Variants in TSPAN11 observed in about 807,000 individuals in gnomAD.
TSPAN11 encodes tetraspanin 11, also known as tetraspanin-11.
In TSPAN11, 29 loss-of-function variants were observed where a neutral mutation model predicts 32.9. That is an observed-to-expected ratio of 0.88 (90% confidence interval 0.66 to 1.20). The LOEUF is 1.20. Among genes scored for constraint, TSPAN11 ranks in the 50% most tolerant of loss-of-function variants. The pLI is 0.00. For missense variants in TSPAN11, 283 were observed against 329.1 expected, an observed-to-expected ratio of 0.86 and a Z score of 1.08; for synonymous variants, 140 against 141.3, an observed-to-expected ratio of 0.99 and a Z score of 0.07.
chr12:30,980,393 G>A (rs1006249555), intron 5 of TSPAN11, among the ~76,000 whole-genome samples: 5 of 152,160 alleles, frequency 3.3e-5, no homozygotes, highest in African/African-American at 9.7e-5. Context: ...CGTGTGTCTA[G>A]TGAGCTCTGA....
chr12:30,990,906 CCAA>C (rs768751307), intron 7 of TSPAN11, among the ~76,000 whole-genome samples: 30 of 152,160 alleles, frequency 2.0e-4, no homozygotes, highest in Non-Finnish European at 3.8e-4. Flanking sequence ...GAGCCAAGAT[CCAA>C]CAACATGTCA....
chr12:30,967,685 TGCATATGCATGCACAC>T (rs1938762039), intron 3 of TSPAN11, among the ~76,000 whole-genome samples: 1 of 26,106 alleles, frequency 3.8e-5, no homozygotes, highest in Non-Finnish European at 9.3e-5. Flanking sequence ...TGCACACACA[TGCATATGCATGCACAC>T]ACATGCATAT....
In TSPAN11 at chr12:30,957,335, G is replaced by A. The variant is rs114571502; in HGVS notation, c.84+3260G>A. On this transcript the variant is annotated intron_variant, in intron 2 of 7. Transcript: ENST00000546076. ...ATATGCATTTGGTCTGCACAGTGCCGTGGCAGGTGAGACAAGTCAGGATGA... is the reference window on the plus strand; with the variant it reads ...ATATGCATTTGGTCTGCACAGTGCCATGGCAGGTGAGACAAGTCAGGATGA... Among the ~76,000 whole-genome samples, 627 of 151,102 alleles carry A rather than the reference G, an allele frequency of 4.1e-3. 6 individuals carry two copies. Among genetic ancestry groups the A allele is most frequent in the African/African-American group, 0.014 (581 of 41,270 alleles).
At chr12:30,969,077 ACATCAC>A (rs1185268351) in intron 3 of TSPAN11, among the ~76,000 whole-genome samples, 8 of 152,212 alleles carry the variant, frequency 5.3e-5, no homozygotes, top group Non-Finnish European at 1.2e-4. Flanking sequence ...ATGAACATTC[ACATCAC>A]TATTGCCGTC....
intron 1 of TSPAN11, among the ~76,000 whole-genome samples, chr12:30,943,518 C>T (rs189445927): frequency 1.2e-3 from 179 of 152,308 alleles, no homozygotes; most frequent in African/African-American, 3.5e-3. Context: ...TTACTGTATC[C>T]GCCAATCAAA....
intron 1 of TSPAN11, among the ~76,000 whole-genome samples, chr12:30,939,355 G>A (rs994978533): frequency 1.3e-5 from 2 of 152,158 alleles, no homozygotes; most frequent in Admixed American, 6.5e-5. Flanking sequence ...AGGGGGCTGG[G>A]TTTTTTACTA....
At chr12:31,009,967 T>A in the TSPAN11 span, among the ~76,000 whole-genome samples, 1 of 152,204 alleles carries the variant, frequency 6.6e-6, no homozygotes, top group Non-Finnish European at 1.5e-5. Context: ...GTAAGACAAC[T>A]GTTATTAGTT....
At chr12:30,934,585 C>G (rs1283802221) in intron 1 of TSPAN11, among the ~76,000 whole-genome samples, 1 of 151,622 alleles carries the variant, frequency 6.6e-6, no homozygotes, top group Non-Finnish European at 1.5e-5. Context: ...TCCAGGACAG[C>G]TTTGAATGCG....
chr12:30,962,944 A>T lies in TSPAN11; in HGVS notation c.85-882A>T, dbSNP rs145080690. Among the ~76,000 whole-genome samples, 792 of 152,288 alleles carry T rather than the reference A, an allele frequency of 5.2e-3. 15 individuals carry two copies. The highest frequency in any genetic ancestry group is 0.033 in the Admixed American group (505 of 15,304). ...CACACATTATGCCCTTCTGGGTCCA[A>T]CAGTCACAGAAAGAGTTACTTGGCT... On this transcript the variant is annotated intron_variant, in intron 2 of 7. Transcript: ENST00000546076.
At chr12:31,009,788 A>G in the TSPAN11 span, among the ~76,000 whole-genome samples, 1 of 152,220 alleles carries the variant, frequency 6.6e-6, no homozygotes, top group Non-Finnish European at 1.5e-5. Flanking sequence ...CACCCTGACC[A>G]CATGCTGCTA....
At chr12:30,926,831 C>T (rs1269344120) in intron 1 of TSPAN11, 35 bp downstream of exon 1, 4 of 820,448 alleles carry the variant, frequency 4.9e-6, no homozygotes, top group Non-Finnish European at 6.5e-6. Context: ...AGTGGGGGCG[C>T]CGCGGGAGGG....
intron 1 of TSPAN11, among the ~76,000 whole-genome samples, chr12:30,932,609 A>G (rs1937956171): frequency 6.6e-6 from 1 of 152,194 alleles, no homozygotes; most frequent in Admixed American, 6.5e-5. Context: ...AAAAGAAGGA[A>G]GGGTTGGACA....
In TSPAN11 at chr12:30,975,592, T is replaced by C. The variant is rs978416898; in HGVS notation, c.277-2969T>C. ...CCTGTGCAGGGGTAGCATGTACTAA[T>C]TTAGCCAGCCACTAAACCAATGGGT... On this transcript the variant is annotated intron_variant, in intron 3 of 7. Transcript: ENST00000546076. The surrounding 1 kb of genome is among the most constrained non-coding windows in gnomAD (Gnocchi z 4.5). 1.3e-5 allele frequency among the ~76,000 whole-genome samples: 2 copies of C among 152,148 alleles called. No individual in the cohort carries two copies. The highest frequency in any genetic ancestry group is 4.8e-5 in the African/African-American group (2 of 41,540).
chr12:30,969,871 T>C (rs1228467023), intron 3 of TSPAN11, among the ~76,000 whole-genome samples: 1 of 152,164 alleles, frequency 6.6e-6, no homozygotes, highest in African/African-American at 2.4e-5. Context: ...GTGAGGAACA[T>C]GAGGCGCCTG....
chr12:30,965,440 A>G (rs2882994), intron 3 of TSPAN11, among the ~76,000 whole-genome samples: 104,187 of 151,348 alleles, frequency 0.69, 35,772 homozygotes, highest in Admixed American at 0.74. Flanking sequence ...AGCCCAAGAA[A>G]GAATACAGAA....
In TSPAN11 at chr12:30,996,251, A is replaced by G. The variant is rs1324416730; in HGVS notation, c.*4336A>G. The stretch of plus-strand genomic sequence containing the variant: ...GCCCCATTTTCCCACCAACTTCTAC[A>G]TGCCTTGGGAGAACCTGCTACATGT... On this transcript the variant is annotated 3_prime_UTR_variant, in exon 8 of 8. Transcript: ENST00000546076. 6.6e-6 allele frequency: 1 copy of G among 152,180 alleles called. No homozygotes were observed. The highest frequency in any genetic ancestry group is 1.5e-5 in the Non-Finnish European group (1 of 68,048). The allele number at this position is 152,180 out of a possible 1,614,324, so 9.4% of individuals were successfully genotyped here.
intron 3 of TSPAN11, among the ~76,000 whole-genome samples, chr12:30,971,749 CA>C (rs35326679): frequency 0.047 from 6,519 of 137,860 alleles, 739 homozygotes; most frequent in East Asian, 0.46. Context: ...GACCCTATCT[CA>C]AAAAAAAAAA....
intron 3 of TSPAN11, among the ~76,000 whole-genome samples, chr12:30,968,657 T>C (rs1490364253): frequency 6.6e-5 from 10 of 152,212 alleles, no homozygotes; most frequent in Non-Finnish European, 8.8e-5. Context: ...AAAACTTCTA[T>C]ATTTTAAGCC....
intron 2 of TSPAN11, among the ~76,000 whole-genome samples, chr12:30,957,749 CTCCT>C (rs1442428213): frequency 2.5e-4 from 10 of 39,702 alleles, no homozygotes; most frequent in South Asian, 2.9e-3. Context: ...CCCTCCCTCC[CTCCT>C]TCCTTCCTTC....
Sources: gnomAD v4.1 joint callset for allele counts (sites outside exome capture counted in the v4.1 genomes callset) on GRCh38, gnomAD v4.1.1 for gene constraint, Gnocchi (gnomAD v3.1) non-coding constraint, MANE v1.5 for transcripts, NCBI Gene and HGNC (gene_info 2026-07-23, HGNC 2026-07-21) for gene names.